The following CCDC152 variants were observed in gnomAD, a reference collection of about 807,000 sequenced individuals.
CCDC152 encodes the protein coiled-coil domain-containing protein 152.
CCDC152 carries 37 observed loss-of-function variants against 38.1 expected under a neutral mutation model. That is an observed-to-expected ratio of 0.97 (90% CI 0.75 to 1.28). CCDC152 has a LOEUF of 1.28. CCDC152 is among the 50% of genes most tolerant of loss of function. CCDC152 has a pLI of 0.00. For missense variants in CCDC152, 259 were observed against 292.1 expected, an observed-to-expected ratio of 0.89 and a Z score of 0.83; for synonymous variants, 83 against 87.1, an observed-to-expected ratio of 0.95 and a Z score of 0.26.
chr5:42,772,259 G>T (rs1354466849), intron 4 of CCDC152, among the ~76,000 whole-genome samples: 1 of 152,184 alleles, frequency 6.6e-6, no homozygotes, highest in Non-Finnish European at 1.5e-5. Flanking sequence ...AATAGGCATA[G>T]ATAGAGAAGA....
intron 6 of CCDC152, among the ~76,000 whole-genome samples, chr5:42,788,139 G>A (rs1759947244): frequency 6.6e-6 from 1 of 151,944 alleles, no homozygotes; most frequent in African/African-American, 2.4e-5. Flanking sequence ...TGGTGATGAT[G>A]AATACCTTTA....
At chr5:42,771,983 C>T (rs1252248622) in intron 4 of CCDC152, among the ~76,000 whole-genome samples, 1 of 152,124 alleles carries the variant, frequency 6.6e-6, no homozygotes, top group African/African-American at 2.4e-5. Context: ...CCCAATATCC[C>T]TGATAAACAC....
rs1262718561 is a variant in CCDC152 at position 42,769,666 on chromosome 5, G to T, written c.262+1G>T. 1 of 1,474,488 alleles carries T rather than the reference G, an allele frequency of 6.8e-7. No individual in the cohort carries two copies. The highest frequency in any genetic ancestry group is 9.0e-7 in the Non-Finnish European group (1 of 1,110,518). The allele number at this position is 1,474,488 out of a possible 1,614,324, so 91.3% of individuals were successfully genotyped here. On this transcript the variant is annotated splice_donor_variant, in intron 4 of 8. Transcript: ENST00000361970. LOFTEE classifies it high-confidence loss of function. ...ATTGAATATCAACAGAATTTGAAAG[G>T]TAAGTTAGAAAAAAAAGTAAAATCT...
At chr5:42,771,222 C>T (rs554158624) in intron 4 of CCDC152, among the ~76,000 whole-genome samples, 1 of 151,990 alleles carries the variant, frequency 6.6e-6, no homozygotes, top group African/African-American at 2.4e-5. Context: ...GTATCTGAGA[C>T]AAATGAAAAC....
chr5:42,779,277 G>C (rs1269722520), intron 4 of CCDC152, among the ~76,000 whole-genome samples, 181 bp from the exon 5 acceptor site: 1 of 152,164 alleles, frequency 6.6e-6, no homozygotes, highest in Non-Finnish European at 1.5e-5. Context: ...TAAGTTCTTT[G>C]AAGAGCAGTA....
At chr5:42,762,666 GA>G in intron 3 of CCDC152, 118 bp downstream of exon 3, 1 of 656,252 alleles carries the variant, frequency 1.5e-6, no homozygotes, top group Non-Finnish European at 2.7e-6. Flanking sequence ...GAATTTTCCA[GA>G]TTATCATCTC....
intron 4 of CCDC152, 32 bp from the exon 5 acceptor site, chr5:42,779,426 T>A (rs762102229): frequency 2.8e-5 from 34 of 1,214,554 alleles, no homozygotes; most frequent in Admixed American, 8.6e-5. Flanking sequence ...AAGTGCTATA[T>A]ATTATGATGT....
intron 5 of CCDC152, among the ~76,000 whole-genome samples, chr5:42,780,048 GA>G (rs1759823526): frequency 6.6e-6 from 1 of 152,122 alleles, no homozygotes; most frequent in African/African-American, 2.4e-5. Flanking sequence ...AGCAGTTGTA[GA>G]ACACATGAAC....
At chr5:42,798,528 T>G (rs536209093) in intron 7 of CCDC152, among the ~76,000 whole-genome samples, 1 of 152,312 alleles carries the variant, frequency 6.6e-6, no homozygotes, top group Non-Finnish European at 1.5e-5. Flanking sequence ...CAACTGAAAT[T>G]AATAGGCCAT....
At chr5:42,792,978 G>A (rs941698513) in intron 6 of CCDC152, among the ~76,000 whole-genome samples, 2 of 152,156 alleles carry the variant, frequency 1.3e-5, no homozygotes, top group African/African-American at 2.4e-5. Flanking sequence ...GAAAGCATAT[G>A]TCTACCCAAA....
chr5:42,762,647 G>C, intron 3 of CCDC152, 99 bp downstream of exon 3: 1 of 710,220 alleles, frequency 1.4e-6, no homozygotes, highest in South Asian at 1.6e-5. Flanking sequence ...AGTGTTTTAA[G>C]TCCACATAGA....
chr5:42,800,492 T>A lies in CCDC152; in HGVS notation c.*711T>A, dbSNP rs1486390813. ...CTGGAAAAAGAAAAAAAAAGACATA[T>A]TAACCAAAAGCTGCAATCACCTTTC... On this transcript the variant is annotated 3_prime_UTR_variant, in exon 9 of 9. Transcript: ENST00000361970. 2.1e-6 allele frequency: 1 copy of A among 471,356 alleles called. No individual in the cohort carries two copies. Among genetic ancestry groups the A allele is most frequent in the African/African-American group, 2.0e-5 (1 of 50,240 alleles). 29.2% of individuals were successfully genotyped at this position (471,356 alleles called of 1,614,324 possible).
rs982281160 is a variant in CCDC152, at chr5:42,762,504, G to T, written c.149G>T (p.Cys50Phe). Residue 50 changes from cysteine (C) to phenylalanine (F), a missense_variant, in exon 3 of 9, where the codon TGC (cysteine) becomes TTC (phenylalanine). By Grantham distance (205) the Cys-to-Phe change is radical. Coordinates refer to ENST00000361970, the MANE Select transcript of CCDC152 (RefSeq NM_001134848.2). ...GATATTCAGTTGGAAAAAAGTAATT[G>T]CCTATTAAAAGTAATGCAAGCAAAG... is the stretch of plus-strand genomic sequence containing the variant. ...ILDIQLEKSN[C>F]LLKVMQAKEV... 1.3e-5 allele frequency: 20 copies of T among 1,542,592 alleles called. No individual in the cohort carries two copies. The highest frequency in any genetic ancestry group is 1.6e-5 in the Non-Finnish European group (18 of 1,139,122).
chr5:42,790,772 G>T (rs2459629), intron 6 of CCDC152, among the ~76,000 whole-genome samples: 84,261 of 152,012 alleles, frequency 0.55, 23,550 homozygotes, highest in Admixed American at 0.6. Flanking sequence ...TCTGCAACTT[G>T]CAGGAATAAG....
intron 6 of CCDC152, among the ~76,000 whole-genome samples, chr5:42,787,747 T>G (rs995253504): frequency 3.9e-5 from 6 of 152,178 alleles, no homozygotes; most frequent in African/African-American, 1.2e-4. Context: ...TAAAGTCTGT[T>G]TTAATTGATA....
chr5:42,763,888 C>T (rs1759589459), intron 3 of CCDC152, among the ~76,000 whole-genome samples: 1 of 152,086 alleles, frequency 6.6e-6, no homozygotes, highest in African/African-American at 2.4e-5. Context: ...TGGAGAAGGA[C>T]TTTCTAAGTG....
At chr5:42,777,785 T>C (rs867339728) in intron 4 of CCDC152, among the ~76,000 whole-genome samples, 4 of 152,242 alleles carry the variant, frequency 2.6e-5, no homozygotes, top group Admixed American at 6.5e-5. Context: ...AATGTTACTG[T>C]ACTACAGAAC....
intron 4 of CCDC152, among the ~76,000 whole-genome samples, chr5:42,777,972 A>G (rs967554389): frequency 3.9e-5 from 6 of 152,228 alleles, no homozygotes; most frequent in African/African-American, 1.4e-4. Flanking sequence ...TCTCAACTTT[A>G]CTATACCACA....
chr5:42,768,720 T>C (rs907875655), intron 3 of CCDC152, among the ~76,000 whole-genome samples: 26 of 152,270 alleles, frequency 1.7e-4, no homozygotes, highest in African/African-American at 6.0e-4. Flanking sequence ...TACCACACAA[T>C]TGTACCACAC....
Sources: gnomAD v4.1 joint callset for allele counts (sites outside exome capture counted in the v4.1 genomes callset) on GRCh38, gnomAD v4.1.1 for gene constraint, MANE v1.5 for transcripts, NCBI Gene and HGNC (gene_info 2026-07-23, HGNC 2026-07-21) for gene names.